PDE10A: variants seen among roughly 807,000 people sequenced by gnomAD.
The protein encoded by PDE10A is cAMP and cAMP-inhibited cGMP 3',5'-cyclic phosphodiesterase 10A.
A neutral mutation model predicts 97.7 loss-of-function variants in PDE10A; 39 were observed. The ratio of observed to expected loss-of-function variants is 0.40; its 90% CI spans 0.31 to 0.52. PDE10A has a LOEUF of 0.52. Among genes scored for constraint, PDE10A ranks in the 20% least tolerant of loss-of-function variants. PDE10A has a pLI of 0.56. For missense variants in PDE10A, 731 were observed against 1,047.8 expected, an observed-to-expected ratio of 0.70 and a Z score of 4.17; for synonymous variants, 371 against 376.8, an observed-to-expected ratio of 0.98 and a Z score of 0.18.
intron 2 of PDE10A, among the ~76,000 whole-genome samples, chr6:165,512,613 C>A (rs926142550): frequency 6.6e-6 from 1 of 151,914 alleles, no homozygotes; most frequent in Non-Finnish European, 1.5e-5. Flanking sequence ...TGAATTGTTT[C>A]CAGTTTGGAG....
intron 3 of PDE10A, among the ~76,000 whole-genome samples, 196 bp downstream of exon 3, chr6:165,482,119 C>T (rs554936019): frequency 1.3e-5 from 2 of 152,294 alleles, no homozygotes; most frequent in Non-Finnish European, 2.9e-5. Flanking sequence ...ATCTGTGTGC[C>T]GTACTCAGTC....
At chr6:165,781,047 G>C (rs144871065) in intron 1 of PDE10A, 1 of 152,352 alleles carries the variant, frequency 6.6e-6, no homozygotes, top group Non-Finnish European at 1.5e-5. Context: ...TCTCATGGTA[G>C]TGAGGTCTCA....
chr6:165,397,565 GCT>G (rs1786265097), intron 13 of PDE10A, among the ~76,000 whole-genome samples: 1 of 151,898 alleles, frequency 6.6e-6, no homozygotes, highest in African/African-American at 2.4e-5. Flanking sequence ...AGAAAAATCA[GCT>G]GGGTGCACGC....
At chr6:165,689,179 G>C (rs1791203207) in intron 1 of PDE10A, among the ~76,000 whole-genome samples, 1 of 152,160 alleles carries the variant, frequency 6.6e-6, no homozygotes, top group African/African-American at 2.4e-5. Context: ...GTGTGACTTT[G>C]GTTAAGTCAC....
At chr6:165,885,813 A>T (rs951315902) in intron 1 of PDE10A, among the ~76,000 whole-genome samples, 1 of 152,256 alleles carries the variant, frequency 6.6e-6, no homozygotes, top group Non-Finnish European at 1.5e-5. Flanking sequence ...CACATCCGGC[A>T]TATGTGTAGA....
intron 1 of PDE10A, among the ~76,000 whole-genome samples, chr6:165,751,891 G>T (rs1483869067): frequency 1.3e-5 from 2 of 151,914 alleles, no homozygotes; most frequent in Admixed American, 6.6e-5. Flanking sequence ...TGTAATCCCA[G>T]CACTTTGGGA....
chr6:165,404,182 G>A (rs1228637424), intron 13 of PDE10A, among the ~76,000 whole-genome samples: 1 of 152,058 alleles, frequency 6.6e-6, no homozygotes, highest in Non-Finnish European at 1.5e-5. Context: ...CCCAAAATAT[G>A]TACAACTATT....
chr6:165,941,627 C>T (rs1375864198), intron 1 of PDE10A, among the ~76,000 whole-genome samples: 1 of 152,120 alleles, frequency 6.6e-6, no homozygotes, highest in Non-Finnish European at 1.5e-5. Flanking sequence ...TGTAGCAACT[C>T]CCTCCCCCAC....
chr6:165,583,325 C>G (rs1785721055), intron 1 of PDE10A, among the ~76,000 whole-genome samples: 1 of 152,196 alleles, frequency 6.6e-6, no homozygotes, highest in Non-Finnish European at 1.5e-5. Flanking sequence ...CCTCTTCAGT[C>G]TTACTGCTTC....
chr6:165,445,383 T>A (rs573801018), intron 5 of PDE10A, among the ~76,000 whole-genome samples: 2 of 152,288 alleles, frequency 1.3e-5, no homozygotes, highest in Admixed American at 6.5e-5. Flanking sequence ...GGTAACCAGA[T>A]CCCAAAGCTG....
chr6:165,900,514 C>T (rs1206057130), intron 1 of PDE10A, among the ~76,000 whole-genome samples: 2 of 151,938 alleles, frequency 1.3e-5, no homozygotes, highest in African/African-American at 4.8e-5. Context: ...GACATCTGAC[C>T]AGTGGGCACA....
intron 10 of PDE10A, among the ~76,000 whole-genome samples, chr6:165,419,556 A>G (rs971971374): frequency 1.3e-5 from 2 of 152,214 alleles, no homozygotes; most frequent in Non-Finnish European, 2.9e-5. Context: ...CCATGCTTTT[A>G]TAACAAATAT....
intron 1 of PDE10A, among the ~76,000 whole-genome samples, chr6:165,937,180 T>C (rs117505294): frequency 0.043 from 6,595 of 152,314 alleles, 202 homozygotes; most frequent in Non-Finnish European, 0.061. Flanking sequence ...TGTAACCCAC[T>C]GGGCTTGGCC....
At chr6:165,378,119 A>G (rs1423508148) in intron 18 of PDE10A, among the ~76,000 whole-genome samples, 2 of 152,250 alleles carry the variant, frequency 1.3e-5, no homozygotes, top group East Asian at 3.8e-4. Context: ...AATGGTACTT[A>G]TTCTTGAAGA....
At chr6:165,804,796 C>T (rs922930182) in intron 1 of PDE10A, among the ~76,000 whole-genome samples, 1 of 151,506 alleles carries the variant, frequency 6.6e-6, no homozygotes, top group East Asian at 2.0e-4. Flanking sequence ...GGCCCCGGGG[C>T]CGGGCCGCGG....
chr6:165,855,531 C>T (rs1780708088), intron 1 of PDE10A, among the ~76,000 whole-genome samples: 1 of 151,566 alleles, frequency 6.6e-6, no homozygotes, highest in South Asian at 2.1e-4. Context: ...AGCCCGGGTT[C>T]ATGTGGGGAG....
intron 2 of PDE10A, among the ~76,000 whole-genome samples, chr6:165,487,597 C>T (rs985950663): frequency 6.6e-6 from 1 of 152,192 alleles, no homozygotes; most frequent in African/African-American, 2.4e-5. Flanking sequence ...TGGTTTAGAG[C>T]ATGGACTAAG....
intron 1 of PDE10A, among the ~76,000 whole-genome samples, chr6:165,886,447 C>G (rs755023522): frequency 9.9e-5 from 15 of 152,222 alleles, no homozygotes; most frequent in Non-Finnish European, 1.8e-4. Flanking sequence ...AAAGTGCTTG[C>G]TGCTCCTGAT....
At chr6:165,773,200 G>C (rs1043665568) in intron 1 of PDE10A, 2 of 152,142 alleles carry the variant, frequency 1.3e-5, no homozygotes, top group Non-Finnish European at 2.9e-5. Flanking sequence ...GTTCTTGTCA[G>C]TGTCATTTCT....
Sources: allele counts gnomAD v4.1 joint callset (sites outside exome capture counted in the v4.1 genomes callset), GRCh38; gene constraint gnomAD v4.1.1; transcripts MANE v1.5; gene names NCBI Gene and HGNC (gene_info 2026-07-23, HGNC 2026-07-21).